Variants in B4GALT5 observed in about 807,000 individuals in gnomAD.
B4GALT5 encodes the protein UDP-Gal:beta-GlcNAc beta-1,4-galactosyltransferase 5.
B4GALT5 carries 11 observed loss-of-function variants against 45.0 expected under a neutral mutation model. The ratio of observed to expected loss-of-function variants is 0.24; its 90% confidence interval spans 0.15 to 0.40. The LOEUF is 0.40. Ranked by LOEUF, B4GALT5 falls within the 10% of genes least tolerant of loss-of-function variation. The pLI is 1.00. For synonymous variants in B4GALT5, 185 were observed against 182.9 expected, an observed-to-expected ratio of 1.01 and a Z score of -0.09; for missense variants, 337 against 500.2, an observed-to-expected ratio of 0.67 and a Z score of 3.11.
rs2085658978 is a variant in B4GALT5 at position 49,659,981 on chromosome 20, T to C, written c.116-3279A>G. 3.3e-5 allele frequency among the ~76,000 whole-genome samples: 5 copies of C among 152,102 alleles called. No individual in the cohort carries two copies. In the South Asian group the frequency reaches 6.2e-4, roughly 19 times the overall value. On this transcript the variant is annotated intron_variant, in intron 1 of 8. Coordinates refer to ENST00000371711, the MANE Select transcript of B4GALT5 (RefSeq NM_004776.4). The stretch of plus-strand genomic sequence containing the variant: ...TTTTCATAGAGACGGGGTTTCAGCA[T>C]GTTGGCCAGGCTGGCCCAGTCACTT...
At chr20:49,652,999 T>G (rs1216187091) in intron 2 of B4GALT5, among the ~76,000 whole-genome samples, 46 of 152,244 alleles carry the variant, frequency 3.0e-4, no homozygotes, top group Non-Finnish European at 1.5e-5. Flanking sequence ...GGTAGACAAC[T>G]GCTTTGAAAT....
intron 2 of B4GALT5, among the ~76,000 whole-genome samples, chr20:49,652,425 T>C (rs2085626256): frequency 6.6e-6 from 1 of 150,788 alleles, no homozygotes; most frequent in Non-Finnish European, 1.5e-5. Context: ...CTGGGACAAA[T>C]ATCTGTGAAA....
chr20:49,669,028 A>G lies in B4GALT5; in HGVS notation c.116-12326T>C, dbSNP rs202012748. ...AGGCGTACACCACCACATCTGGTGA[A>G]TTTTTTTATTTTTGTAGAGGTAGAA... On this transcript the variant is annotated intron_variant, in intron 1 of 8. Transcript: ENST00000371711. Among the ~76,000 whole-genome samples the G allele has an allele frequency of 1.6e-4, 24 of 151,900 alleles. No individual in the cohort carries two copies. In the East Asian group the frequency reaches 4.6e-3, roughly 29 times the overall value.
chr20:49,638,840 G>T (rs1353108473), intron 7 of B4GALT5, among the ~76,000 whole-genome samples: 1 of 152,060 alleles, frequency 6.6e-6, no homozygotes, highest in Non-Finnish European at 1.5e-5. Context: ...AAATGGAAAA[G>T]ATTCTAAATA....
At chr20:49,652,145 T>C (rs1371585461) in intron 2 of B4GALT5, among the ~76,000 whole-genome samples, 1 of 152,098 alleles carries the variant, frequency 6.6e-6, no homozygotes, top group Non-Finnish European at 1.5e-5. Flanking sequence ...TAAGAATCGC[T>C]AGCAGTCAGG....
chr20:49,700,725 G>A (rs896276801), intron 1 of B4GALT5, among the ~76,000 whole-genome samples: 6 of 152,214 alleles, frequency 3.9e-5, no homozygotes, highest in African/African-American at 1.4e-4. Flanking sequence ...TATACAGCGT[G>A]GGTATGCTGG....
chr20:49,671,752 C>G (rs2085716892), intron 1 of B4GALT5, among the ~76,000 whole-genome samples: 1 of 152,198 alleles, frequency 6.6e-6, no homozygotes, highest in Non-Finnish European at 1.5e-5. Flanking sequence ...CCCAAAATTT[C>G]AAAGTTTCCA....
Position 49,701,655 on chromosome 20 carries a change from AAAAC to A in B4GALT5, c.115+11917_115+11920del, listed in dbSNP as rs931907381. 8.5e-5 allele frequency among the ~76,000 whole-genome samples: 13 copies of A among 152,318 alleles called. No homozygotes were observed. In the East Asian group the frequency reaches 2.1e-3, roughly 25 times the overall value. On this transcript the variant is annotated intron_variant, in intron 1 of 8. Coordinates refer to ENST00000371711, the MANE Select transcript of B4GALT5 (RefSeq NM_004776.4). ...CTAATTTTCAAAGAATTAGAAGGCA[AAAAC>A]AAACAAAAAAAACACCCACAATACC...
At chr20:49,641,208 C>CT (rs1480039449) in intron 5 of B4GALT5, among the ~76,000 whole-genome samples, 1 of 152,214 alleles carries the variant, frequency 6.6e-6, no homozygotes, top group African/African-American at 2.4e-5. Flanking sequence ...TCTCCCAAGG[C>CT]TACTGAAGGC....
At chr20:49,712,212 G>A (rs909329843) in intron 1 of B4GALT5, among the ~76,000 whole-genome samples, 1 of 152,164 alleles carries the variant, frequency 6.6e-6, no homozygotes, top group African/African-American at 2.4e-5. Flanking sequence ...CAGGTACAGT[G>A]GTAAGTGCTT....
chr20:49,700,589 C>CA (rs1212984379), intron 1 of B4GALT5, among the ~76,000 whole-genome samples: 1 of 152,186 alleles, frequency 6.6e-6, no homozygotes, highest in African/African-American at 2.4e-5. Context: ...CATGAGCCAC[C>CA]ACACCTGGCC....
chr20:49,702,450 T>G (rs2085866052), intron 1 of B4GALT5, among the ~76,000 whole-genome samples: 1 of 152,186 alleles, frequency 6.6e-6, no homozygotes, highest in African/African-American at 2.4e-5. Context: ...CATTAAAAAC[T>G]TTTTTGTGCA....
At chr20:49,697,395 G>A (rs1015709019) in intron 1 of B4GALT5, among the ~76,000 whole-genome samples, 1 of 152,218 alleles carries the variant, frequency 6.6e-6, no homozygotes, top group African/African-American at 2.4e-5. Context: ...TTCAAATGAA[G>A]GATGGGACAA....
chr20:49,661,994 T>C (rs368833589), intron 1 of B4GALT5, among the ~76,000 whole-genome samples: 3 of 152,186 alleles, frequency 2.0e-5, no homozygotes, highest in African/African-American at 7.2e-5. Flanking sequence ...GTTAGCAGCC[T>C]TGGGCCATGG....
At chr20:49,667,162 C>A (rs1204050994) in intron 1 of B4GALT5, among the ~76,000 whole-genome samples, 1 of 152,104 alleles carries the variant, frequency 6.6e-6, no homozygotes, top group Non-Finnish European at 1.5e-5. Flanking sequence ...GATGCTCAAT[C>A]CCCTGAATCC....
At chr20:49,713,053 G>A (rs2085924738) in intron 1 of B4GALT5, among the ~76,000 whole-genome samples, 1 of 151,514 alleles carries the variant, frequency 6.6e-6, no homozygotes, top group African/African-American at 2.4e-5. Context: ...CACGGGAGCA[G>A]GAAACGATGG....
intron 1 of B4GALT5, among the ~76,000 whole-genome samples, chr20:49,660,526 T>A (rs555926777): frequency 6.6e-6 from 1 of 152,374 alleles, no homozygotes; most frequent in South Asian, 2.1e-4. Context: ...TGCTGAATGT[T>A]GTTGGTAAAC....
At chr20:49,695,543 C>G (rs1167078810) in intron 1 of B4GALT5, among the ~76,000 whole-genome samples, 1 of 152,064 alleles carries the variant, frequency 6.6e-6, no homozygotes, top group African/African-American at 2.4e-5. Context: ...TCCCGAGTAG[C>G]TGGGATTACA....
At chr20:49,699,870 A>G (rs919002309) in intron 1 of B4GALT5, among the ~76,000 whole-genome samples, 1 of 152,198 alleles carries the variant, frequency 6.6e-6, no homozygotes, top group Non-Finnish European at 1.5e-5. Flanking sequence ...GACAGAACTT[A>G]AAGTCATTCC....
Sources: allele counts gnomAD v4.1 joint callset (sites outside exome capture counted in the v4.1 genomes callset), GRCh38; gene constraint gnomAD v4.1.1; transcripts MANE v1.5; gene names NCBI Gene and HGNC (gene_info 2026-07-23, HGNC 2026-07-21).